The following UBE2H variants were observed in gnomAD, a reference collection of about 807,000 sequenced individuals.
The protein encoded by UBE2H is ubiquitin-conjugating enzyme E2 H.
Under a neutral mutation model 29.0 loss-of-function variants are expected in UBE2H, and 3 were observed. The ratio of observed to expected loss-of-function variants is 0.10; its 90% CI spans 0.05 to 0.27. The LOEUF (loss-of-function observed/expected upper bound fraction) is 0.27. UBE2H is among the 10% of genes least tolerant of loss of function. The pLI, the probability that UBE2H is intolerant of heterozygous loss-of-function variation, is 1.00. For missense variants in UBE2H, 68 were observed against 228.2 expected (o/e 0.30, Z 4.52); for synonymous variants, 69 against 82.9 (o/e 0.83, Z 0.91).
intron 5 of UBE2H, among the ~76,000 whole-genome samples, chr7:129,846,390 G>C (rs916258458): frequency 7.1e-6 from 1 of 140,754 alleles, no homozygotes; most frequent in Non-Finnish European, 1.5e-5. Flanking sequence ...AATAATAATT[G>C]GGCATGGTGG....
chr7:129,891,076 C>T (rs1055648188), intron 1 of UBE2H, among the ~76,000 whole-genome samples: 4 of 150,780 alleles, frequency 2.7e-5, no homozygotes, highest in Non-Finnish European at 4.4e-5. Flanking sequence ...GTGGAGGTTG[C>T]GGTGAGCCGA....
chr7:129,926,278 G>T (rs1452580650), intron 1 of UBE2H, among the ~76,000 whole-genome samples: 1 of 152,022 alleles, frequency 6.6e-6, no homozygotes, highest in Non-Finnish European at 1.5e-5. Context: ...GGGAGGCTGA[G>T]GTGGGTGGAT....
At chr7:129,871,852 T>G (rs1472409173) in intron 3 of UBE2H, among the ~76,000 whole-genome samples, 1 of 152,126 alleles carries the variant, frequency 6.6e-6, no homozygotes, top group Non-Finnish European at 1.5e-5. Context: ...AGCCCCAAAA[T>G]TCATTTTATT....
chr7:129,869,924 C>T (rs552154902), intron 3 of UBE2H, among the ~76,000 whole-genome samples: 22 of 152,340 alleles, frequency 1.4e-4, no homozygotes, highest in Admixed American at 6.5e-4. Flanking sequence ...GGGTCGCTCC[C>T]CCAGTCTCCC....
At chr7:129,913,997 C>T (rs527778055) in intron 1 of UBE2H, among the ~76,000 whole-genome samples, 2 of 152,222 alleles carry the variant, frequency 1.3e-5, no homozygotes, top group Admixed American at 1.3e-4. Flanking sequence ...TTGTCTTCCC[C>T]ACTTGGAACT....
chr7:129,925,438 T>G (rs1353699133), intron 1 of UBE2H, among the ~76,000 whole-genome samples: 1 of 152,018 alleles, frequency 6.6e-6, no homozygotes, highest in Non-Finnish European at 1.5e-5. Context: ...TGTGGGACAG[T>G]TCATGGGAGC....
At chr7:129,890,275 G>GTA (rs201263387) in intron 1 of UBE2H, among the ~76,000 whole-genome samples, 9,666 of 150,396 alleles carry the variant, frequency 0.064, 366 homozygotes, top group Non-Finnish European at 0.092. Context: ...ATATACACAC[G>GTA]TATATATATA....
At chr7:129,837,972 C>T (rs1178752837) in intron 6 of UBE2H, among the ~76,000 whole-genome samples, 1 of 152,158 alleles carries the variant, frequency 6.6e-6, no homozygotes, top group African/African-American at 2.4e-5. Flanking sequence ...AGACAGAATG[C>T]ATATGTGAAC....
intron 1 of UBE2H, among the ~76,000 whole-genome samples, chr7:129,910,300 G>C (rs192240140): frequency 1.1e-3 from 162 of 151,684 alleles, no homozygotes; most frequent in African/African-American, 3.5e-3. Flanking sequence ...CTGCACTCCA[G>C]CCTGGACAAC....
At chr7:129,851,614 C>G (rs1805611134) in intron 5 of UBE2H, among the ~76,000 whole-genome samples, 1 of 152,106 alleles carries the variant, frequency 6.6e-6, no homozygotes, top group Non-Finnish European at 1.5e-5. Flanking sequence ...TGAAACAAGC[C>G]CTAAAATCAG....
intron 1 of UBE2H, among the ~76,000 whole-genome samples, chr7:129,883,883 A>G (rs1806304509): frequency 1.3e-5 from 2 of 152,098 alleles, no homozygotes; most frequent in Non-Finnish European, 2.9e-5. Flanking sequence ...ATGAATTGAT[A>G]CACATAATGT....
chr7:129,950,971 TCCC>T lies in UBE2H; in HGVS notation c.53+1529_53+1531del, dbSNP rs1397337324. ...TAGTTGCTCCGCTCTAATCTCCCAC[TCCC>T]CCAAAAATTCTAAACTCCAAACCAC... On this transcript the variant is annotated intron_variant, in intron 1 of 6. Coordinates refer to ENST00000355621, the MANE Select transcript of UBE2H (RefSeq NM_003344.4). Among the ~76,000 whole-genome samples, 5 of 152,102 alleles carry T rather than the reference TCCC, an allele frequency of 3.3e-5. No individual in the cohort carries two copies. In the East Asian group the frequency reaches 5.8e-4, roughly 18 times the overall value.
At chr7:129,935,877 C>T (rs1228545736) in intron 1 of UBE2H, among the ~76,000 whole-genome samples, 2 of 152,056 alleles carry the variant, frequency 1.3e-5, no homozygotes, top group Non-Finnish European at 2.9e-5. Flanking sequence ...TAATCTGAAG[C>T]GGTACAGTCA....
intron 2 of UBE2H, among the ~76,000 whole-genome samples, chr7:129,880,274 AG>A (rs1399833280): frequency 6.6e-6 from 1 of 152,232 alleles, no homozygotes; most frequent in Non-Finnish European, 1.5e-5. Flanking sequence ...TGGGAGGCTG[AG>A]GCGGGTGGAT....
intron 1 of UBE2H, among the ~76,000 whole-genome samples, chr7:129,895,395 C>T (rs1806580250): frequency 6.6e-6 from 1 of 152,152 alleles, no homozygotes; most frequent in Non-Finnish European, 1.5e-5. Flanking sequence ...TACCTAATCA[C>T]AGGAGGCTGG....
intron 5 of UBE2H, among the ~76,000 whole-genome samples, chr7:129,850,193 C>T (rs1805584718): frequency 6.6e-6 from 1 of 151,828 alleles, no homozygotes; most frequent in South Asian, 2.1e-4. Flanking sequence ...ATAGTGACAC[C>T]CCCATCTCTA....
At position 129,952,639 on chromosome 7, in the gene UBE2H, G is replaced by A. The variant is rs996749725; in HGVS notation, c.-84C>T. 3 of 1,529,238 alleles carry A rather than the reference G, an allele frequency of 2.0e-6. No homozygotes were observed. The highest frequency in any genetic ancestry group is 2.6e-6 in the Non-Finnish European group (3 of 1,134,444). The allele number at this position is 1,529,238 out of a possible 1,614,324, so 94.7% of individuals were successfully genotyped here. A position where few individuals can be genotyped will look rare whatever the true frequency, so the allele number is the denominator to read the frequency against. On this transcript the variant is annotated 5_prime_UTR_variant, in exon 1 of 7. Transcript: ENST00000355621. ...GCTCTGAGGAGCCCGCGGCCGCGCC[G>A]GCTCCTCGGTGGAGGTGGCAACACC...
chr7:129,855,481 T>C (rs547627975), intron 5 of UBE2H, among the ~76,000 whole-genome samples: 8 of 152,378 alleles, frequency 5.3e-5, no homozygotes, highest in Non-Finnish European at 8.8e-5. Context: ...GTATGTTCTT[T>C]CTTGTTGCCT....
intron 1 of UBE2H, among the ~76,000 whole-genome samples, chr7:129,890,309 GTA>G (rs1309897575): frequency 4.6e-5 from 7 of 150,950 alleles, no homozygotes; most frequent in African/African-American, 1.5e-4. Flanking sequence ...ATACATACGT[GTA>G]TATATGTATG....
Sources: gnomAD v4.1 joint callset for allele counts (sites outside exome capture counted in the v4.1 genomes callset) on GRCh38, gnomAD v4.1.1 for gene constraint, MANE v1.5 for transcripts, NCBI Gene and HGNC (gene_info 2026-07-23, HGNC 2026-07-21) for gene names.